The following CAMTA1 variants were observed in gnomAD, a reference collection of about 807,000 sequenced individuals.
The protein encoded by CAMTA1 is calmodulin-binding transcription activator 1.
A neutral mutation model predicts 170.9 loss-of-function variants in CAMTA1; 27 were observed. The ratio of observed to expected loss-of-function variants is 0.16; its 90% CI spans 0.12 to 0.22. The LOEUF (loss-of-function observed/expected upper bound fraction) is 0.22. Among genes scored for constraint, CAMTA1 ranks in the 10% least tolerant of loss-of-function variants. The probability of loss-of-function intolerance (pLI) is 1.00; values close to 1 mark genes in which losing one functional copy is unlikely to be tolerated. For missense variants in CAMTA1, 1,619 were observed against 2,217.2 expected (o/e 0.73, Z 5.42); for synonymous variants, 833 against 891.5 (o/e 0.93, Z 1.17).
intron 5 of CAMTA1, among the ~76,000 whole-genome samples, chr1:7,314,416 C>T (rs1475178143): frequency 1.3e-5 from 2 of 152,218 alleles, no homozygotes; most frequent in Non-Finnish European, 2.9e-5. Context: ...TTTGGATGCT[C>T]TCAAATGTAT....
At chr1:7,197,040 AT>A (rs1655653291) in intron 4 of CAMTA1, among the ~76,000 whole-genome samples, 1 of 152,190 alleles carries the variant, frequency 6.6e-6, no homozygotes, top group Non-Finnish European at 1.5e-5. Flanking sequence ...ATGCATATAT[AT>A]TTTGTGATCT....
chr1:7,667,014 G>A (rs1416291327), intron 9 of CAMTA1, among the ~76,000 whole-genome samples: 3 of 152,056 alleles, frequency 2.0e-5, no homozygotes, highest in African/African-American at 7.2e-5. Context: ...TCAGCCTGCC[G>A]AGTAGCTGGG....
intron 11 of CAMTA1, among the ~76,000 whole-genome samples, chr1:7,722,530 T>G (rs979282642): frequency 6.6e-6 from 1 of 152,176 alleles, no homozygotes; most frequent in Non-Finnish European, 1.5e-5. Flanking sequence ...TCAAAGCTAT[T>G]CTGGGATTAT....
At position 7,732,460 on chromosome 1, in the gene CAMTA1, G is replaced by A. The variant is rs61741616; in HGVS notation, c.2927G>A (p.Arg976Lys). The A allele has an allele frequency of 1.2e-3, 1,969 of 1,613,988 alleles. 24 individuals carry two copies. In the African/African-American group the frequency reaches 0.021, roughly 18 times the overall value. Residue 976 changes from arginine to lysine, a missense_variant, in exon 12 of 23, where the codon AGG (arginine) becomes AAG (lysine). Coordinates refer to ENST00000303635, the MANE Select transcript of CAMTA1 (RefSeq NM_015215.4). This position sits in a 1 kb window ranked among gnomAD's most constrained non-coding sequence, Gnocchi z 4.1. Reference sequence around the variant, plus strand: ...TGCTCTGCCCTAGATAACCAGTTCAGGATGTCCATCCTGGAACGACTGGAG... The same window carrying A: ...TGCTCTGCCCTAGATAACCAGTTCAAGATGTCCATCCTGGAACGACTGGAG... The part of the protein sequence containing the change: ...DWLSLDDNQF[R>K]MSILERLEQM...
At chr1:7,618,700 G>A (rs1265993339) in intron 6 of CAMTA1, among the ~76,000 whole-genome samples, 3 of 152,318 alleles carry the variant, frequency 2.0e-5, no homozygotes, top group Admixed American at 1.3e-4. Context: ...GTTGAGCATT[G>A]TAATTTACAT....
chr1:7,470,899 G>A (rs1417442421), intron 6 of CAMTA1, among the ~76,000 whole-genome samples: 1 of 152,168 alleles, frequency 6.6e-6, no homozygotes, highest in African/African-American at 2.4e-5. Flanking sequence ...TCTCCAACTA[G>A]TCAGCTCCCA....
At position 6,883,272 on chromosome 1, in the gene CAMTA1, A is replaced by G. The variant is rs552524670; in HGVS notation, c.234+58062A>G. On this transcript the variant is annotated intron_variant, in intron 3 of 22. Transcript: ENST00000303635. ...CTGGAGCAAGAAACAGACGGGTTTC[A>G]CTGTGGGCTTGGTAGCGGGGCGATC... 2.0e-5 allele frequency among the ~76,000 whole-genome samples: 3 copies of G among 152,270 alleles called. No homozygotes were observed. The East Asian group carries it at 5.8e-4, about 29-fold the overall frequency.
chr1:6,785,462 G>T lies in CAMTA1; in HGVS notation c.-69G>T. 1 of 989,854 alleles carries T rather than the reference G, an allele frequency of 1.0e-6. No individual in the cohort carries two copies. The highest frequency in any genetic ancestry group is 1.2e-6 in the Non-Finnish European group (1 of 821,256). 61.3% of individuals were successfully genotyped at this position (989,854 alleles called of 1,614,324 possible). ...CAGGGCGGGTGCGCGGCGGCGGCGG[G>T]GTGGCTGGGCCGGCGGCGGCGGCGG... On this transcript the variant is annotated 5_prime_UTR_variant, in exon 1 of 23. Transcript: ENST00000303635.
intron 5 of CAMTA1, among the ~76,000 whole-genome samples, chr1:7,398,179 CTCTCTCTCTCTCTCTATATATATAT>C (rs1236110907): frequency 6.2e-4 from 27 of 43,762 alleles, no homozygotes; most frequent in African/African-American, 2.4e-3. Flanking sequence ...CTCTCTCTCT[CTCTCTCTCTCTCTCTATATATATAT>C]ATATATATAT....
intron 4 of CAMTA1, among the ~76,000 whole-genome samples, chr1:7,099,127 C>A (rs1642427939): frequency 1.3e-5 from 2 of 152,078 alleles, no homozygotes; most frequent in Non-Finnish European, 2.9e-5. Context: ...CGGCTCACTG[C>A]AACCTCCACC....
chr1:6,858,486 T>TGG (rs70984029), intron 3 of CAMTA1, among the ~76,000 whole-genome samples: 1,450 of 90,008 alleles, frequency 0.016, 109 homozygotes, highest in African/African-American at 0.023. Flanking sequence ...GTGTGTGTGT[T>TGG]GGGGGGGGGG....
rs182590586 is a variant in CAMTA1 at position 7,520,048 on chromosome 1, A to G, written c.510+52147A>G. 4.7e-3 allele frequency among the ~76,000 whole-genome samples: 708 copies of G among 150,040 alleles called. 14 individuals carry two copies. The highest frequency in any genetic ancestry group is 0.017 in the African/African-American group (684 of 40,222). ...CTACCCAAAAGTCTTCAGCACAAAAAGCAACTCCCCTAGCAGAGCTCTCTT... is the reference window on the plus strand; with the variant it reads ...CTACCCAAAAGTCTTCAGCACAAAAGGCAACTCCCCTAGCAGAGCTCTCTT... On this transcript the variant is annotated intron_variant, in intron 6 of 22. Coordinates refer to ENST00000303635, the MANE Select transcript of CAMTA1 (RefSeq NM_015215.4).
intron 4 of CAMTA1, among the ~76,000 whole-genome samples, chr1:7,147,376 A>T (rs1646263735): frequency 6.6e-6 from 1 of 150,946 alleles, no homozygotes; most frequent in Non-Finnish European, 1.5e-5. Context: ...GTGAGCCGAG[A>T]TCGTGCCACT....
chr1:7,428,389 G>T (rs905933495), intron 5 of CAMTA1, among the ~76,000 whole-genome samples: 19 of 152,046 alleles, frequency 1.2e-4, no homozygotes, highest in African/African-American at 4.6e-4. Flanking sequence ...AAGGAAGGGA[G>T]GAGATGGAGG....
intron 3 of CAMTA1, among the ~76,000 whole-genome samples, chr1:6,942,576 C>T (rs1238032018): frequency 6.6e-6 from 1 of 152,160 alleles, no homozygotes; most frequent in Non-Finnish European, 1.5e-5. Context: ...AGAGGATCAC[C>T]TGAGCCCAGG....
rs573261432 is a variant in CAMTA1, at chr1:7,350,965, G to A, written c.438+101339G>A. Among the ~76,000 whole-genome samples, 35 of 152,340 alleles carry A rather than the reference G, an allele frequency of 2.3e-4. 1 individual carries two copies. Among genetic ancestry groups the A allele is most frequent in the South Asian group, 1.7e-3 (8 of 4,826 alleles). On this transcript the variant is annotated intron_variant, in intron 5 of 22. Transcript: ENST00000303635. ...GTGGCCCAAGCTTCCAGGGCTTCCCGGTAGGGCACTTCTCTGCCCCAGCAG... is the reference window on the plus strand; with the variant it reads ...GTGGCCCAAGCTTCCAGGGCTTCCCAGTAGGGCACTTCTCTGCCCCAGCAG...
chr1:7,232,570 G>C (rs1471118750), intron 4 of CAMTA1, among the ~76,000 whole-genome samples: 1 of 152,056 alleles, frequency 6.6e-6, no homozygotes, highest in Non-Finnish European at 1.5e-5. Flanking sequence ...TAAGCTCCCT[G>C]AGGACCAGGG....
At chr1:7,755,462 A>C (rs1415241219) in intron 21 of CAMTA1, among the ~76,000 whole-genome samples, 176 bp from the exon 22 acceptor site, 1 of 152,052 alleles carries the variant, frequency 6.6e-6, no homozygotes, top group Non-Finnish European at 1.5e-5. Context: ...TTAAGACTTA[A>C]ATTGATGAAT....
At chr1:7,521,263 C>A (rs1481274223) in intron 6 of CAMTA1, among the ~76,000 whole-genome samples, 1 of 152,206 alleles carries the variant, frequency 6.6e-6, no homozygotes, top group South Asian at 2.1e-4. Flanking sequence ...TCAGCGCCCC[C>A]ATTTTTAATT....
Sources: gnomAD v4.1 joint callset for allele counts (sites outside exome capture counted in the v4.1 genomes callset) on GRCh38, gnomAD v4.1.1 for gene constraint, Gnocchi (gnomAD v3.1) non-coding constraint, MANE v1.5 for transcripts, NCBI Gene and HGNC (gene_info 2026-07-23, HGNC 2026-07-21) for gene names.